Variants in MTR observed in about 807,000 individuals in gnomAD.
MTR encodes the protein methionine synthase.
In MTR, 84 loss-of-function variants were observed where a neutral mutation model predicts 154.8. The ratio of observed to expected loss-of-function variants is 0.54; its 90% confidence interval spans 0.45 to 0.65. The LOEUF (loss-of-function observed/expected upper bound fraction) is 0.65, where lower values mean the gene tolerates loss of function less well. MTR is among the 30% of genes least tolerant of loss of function. MTR has a pLI of 0.00. For missense variants in MTR, 1,275 were observed against 1,570.2 expected (o/e 0.81, Z 3.18); for synonymous variants, 554 against 553.9 (o/e 1.00, Z 0.00).
At chr1:236,866,495 T>C (rs758640626) in intron 22 of MTR, among the ~76,000 whole-genome samples, 98 of 130,564 alleles carry the variant, frequency 7.5e-4, no homozygotes, top group Admixed American at 1.5e-3. Flanking sequence ...AGTTAATAAC[T>C]CTGTAATGGC....
intron 18 of MTR, among the ~76,000 whole-genome samples, chr1:236,856,981 G>A (rs1248752947): frequency 2.6e-5 from 4 of 152,126 alleles, no homozygotes; most frequent in Non-Finnish European, 2.9e-5. Flanking sequence ...GAACAGTGCC[G>A]CAATAAACAT....
At chr1:236,832,151 C>T in intron 13 of MTR, 73 bp downstream of exon 13, 1 of 1,183,184 alleles carries the variant, frequency 8.5e-7, no homozygotes. Context: ...TGAAACAGCT[C>T]TCTGCCTTTG....
At chr1:236,834,822 T>A (rs946206185) in intron 13 of MTR, among the ~76,000 whole-genome samples, 1 of 152,194 alleles carries the variant, frequency 6.6e-6, no homozygotes, top group Non-Finnish European at 1.5e-5. Flanking sequence ...TTGGAACACT[T>A]ATCCTACAAA....
chr1:236,815,227 T>C (rs1273760173), intron 6 of MTR, among the ~76,000 whole-genome samples: 1 of 152,208 alleles, frequency 6.6e-6, no homozygotes, highest in Non-Finnish European at 1.5e-5. Context: ...TGCAGTGGCA[T>C]AATCACAGCT....
chr1:236,844,531 G>T (rs1185014635), intron 15 of MTR, among the ~76,000 whole-genome samples: 1 of 150,720 alleles, frequency 6.6e-6, no homozygotes, highest in Non-Finnish European at 1.5e-5. Context: ...GTTTTTGTAA[G>T]CTAATGAGAA....
intron 3 of MTR, 107 bp downstream of exon 3, chr1:236,806,340 A>C: frequency 1.1e-6 from 1 of 875,026 alleles, no homozygotes; most frequent in Admixed American, 1.8e-5. Flanking sequence ...GCTAATGCCT[A>C]GTTATCTGTT....
intron 22 of MTR, among the ~76,000 whole-genome samples, chr1:236,873,548 C>T (rs899851995): frequency 6.6e-6 from 1 of 152,148 alleles, no homozygotes; most frequent in South Asian, 2.1e-4. Flanking sequence ...GAATGATGGT[C>T]GGTAAAGCTG....
At chr1:236,868,483 G>C (rs1241487856) in intron 22 of MTR, among the ~76,000 whole-genome samples, 1 of 152,016 alleles carries the variant, frequency 6.6e-6, no homozygotes, top group Non-Finnish European at 1.5e-5. Context: ...TCTGAGTTAT[G>C]TCTGTATTCT....
At chr1:236,891,473 C>T in intron 29 of MTR, 144 bp downstream of exon 29, 2 of 868,100 alleles carry the variant, frequency 2.3e-6, no homozygotes, top group Admixed American at 2.1e-5. Context: ...AGTCACACGC[C>T]CAAGCCCAAG....
At chr1:236,796,574 C>G (rs935711908) in intron 1 of MTR, among the ~76,000 whole-genome samples, 1 of 152,074 alleles carries the variant, frequency 6.6e-6, no homozygotes, top group Non-Finnish European at 1.5e-5. Context: ...TCGTAACGCA[C>G]AAGGAAATTT....
chr1:236,830,188 T>A (rs531927930), intron 12 of MTR, among the ~76,000 whole-genome samples: 3 of 152,192 alleles, frequency 2.0e-5, no homozygotes, highest in East Asian at 3.9e-4. Context: ...GCCCTTTATT[T>A]TTTTTTTTAA....
At chr1:236,852,471 T>C (rs771984907) in intron 16 of MTR, 50 bp from the exon 17 acceptor site, 39 of 1,352,274 alleles carry the variant, frequency 2.9e-5, no homozygotes, top group Admixed American at 6.7e-5. Context: ...ATGTGATTGC[T>C]GTTTTTGGCA....
At chr1:236,884,027 G>A (rs1328038864) in intron 25 of MTR, among the ~76,000 whole-genome samples, 1 of 152,140 alleles carries the variant, frequency 6.6e-6, no homozygotes, top group East Asian at 1.9e-4. Flanking sequence ...TTTGATGGTA[G>A]CTATTCTTCT....
chr1:236,890,703 T>A (rs1666269663), intron 28 of MTR, among the ~76,000 whole-genome samples: 1 of 152,168 alleles, frequency 6.6e-6, no homozygotes, highest in African/African-American at 2.4e-5. Flanking sequence ...CGAATTATAT[T>A]GTAGTTGGGA....
intron 16 of MTR, among the ~76,000 whole-genome samples, chr1:236,852,164 A>T (rs1486769048): frequency 6.6e-6 from 1 of 152,200 alleles, no homozygotes; most frequent in Non-Finnish European, 1.5e-5. Context: ...GGTCAAGTTC[A>T]TAGTGAACTA....
intron 23 of MTR, among the ~76,000 whole-genome samples, 156 bp from the exon 24 acceptor site, chr1:236,874,570 C>CAA (rs763802762): frequency 1.7e-5 from 2 of 119,460 alleles, no homozygotes; most frequent in Non-Finnish European, 3.6e-5. Flanking sequence ...GACTCCATCT[C>CAA]AAAAAAAAAA....
At chr1:236,841,802 A>G (rs1344849292) in intron 15 of MTR, among the ~76,000 whole-genome samples, 1 of 152,176 alleles carries the variant, frequency 6.6e-6, no homozygotes, top group African/African-American at 2.4e-5. Flanking sequence ...ATAGGAGTAC[A>G]AACTTGAAGT....
intron 15 of MTR, among the ~76,000 whole-genome samples, chr1:236,841,418 CAG>C (rs1452007134): frequency 6.6e-6 from 1 of 152,168 alleles, no homozygotes; most frequent in Non-Finnish European, 1.5e-5. Context: ...ATTTCGCCTT[CAG>C]ATTGTCCCCT....
At chr1:236,875,388 TA>T (rs1347794262) in intron 24 of MTR, among the ~76,000 whole-genome samples, 1 of 152,196 alleles carries the variant, frequency 6.6e-6, no homozygotes, top group Admixed American at 6.5e-5. Context: ...GTTAACAACA[TA>T]AAGAGGTATA....
Sources: gnomAD v4.1 joint callset for allele counts (sites outside exome capture counted in the v4.1 genomes callset) on GRCh38, gnomAD v4.1.1 for gene constraint, MANE v1.5 for transcripts, NCBI Gene and HGNC (gene_info 2026-07-23, HGNC 2026-07-21) for gene names.